ARVCF: variants seen among roughly 807,000 people sequenced by gnomAD.
The protein encoded by ARVCF is ARVCF delta catenin family member, also known as splicing regulator ARVCF.
A neutral mutation model predicts 90.9 loss-of-function variants in ARVCF; 66 were observed. That is an observed-to-expected ratio of 0.73 (90% CI 0.60 to 0.89). ARVCF has a LOEUF of 0.89. ARVCF is among the 40% of genes least tolerant of loss of function. The pLI, the probability that ARVCF is intolerant of heterozygous loss-of-function variation, is 0.00. For synonymous variants in ARVCF, 653 were observed against 603.4 expected, an observed-to-expected ratio of 1.08 and a Z score of -1.21; for missense variants, 1,469 against 1,382.3, an observed-to-expected ratio of 1.06 and a Z score of -1.00.
chr22:19,968,559 G>A (rs781428653), downstream of ARVCF: 8 of 1,613,966 alleles, frequency 5.0e-6, no homozygotes, highest in Admixed American at 1.7e-5. Flanking sequence ...TGCGGAAGGG[G>A]ACAGTGCTAC....
Position 19,992,888 on chromosome 22 carries a change from C to T in ARVCF, c.-18-2076G>A, listed in dbSNP as rs536437555. Among the ~76,000 whole-genome samples, 237 of 152,310 alleles carry T rather than the reference C, an allele frequency of 1.6e-3. 1 individual carries two copies. Among genetic ancestry groups the T allele is most frequent in the African/African-American group, 5.5e-3 (230 of 41,564 alleles). On this transcript the variant is annotated intron_variant, in intron 2 of 19. Transcript: ENST00000263207. ...GGCTCTGGGGACTAAAGATGCCCAC[C>T]CTAAAGGGGGCCCACTGGCTCTGGC...
At chr22:19,990,125 G>A (rs1371631078) in intron 3 of ARVCF, among the ~76,000 whole-genome samples, 1 of 152,154 alleles carries the variant, frequency 6.6e-6, no homozygotes, top group African/African-American at 2.4e-5. Flanking sequence ...AGTAGGGGCC[G>A]GAGCCCAGTC....
Position 20,016,732 on chromosome 22 carries a change from C to CGGACCGGTGCGG in ARVCF, c.-228_-217dup, listed in dbSNP as rs1945206132. On this transcript the variant is annotated 5_prime_UTR_variant, in exon 1 of 20. Transcript: ENST00000263207. ...GGTCGCAGTCCACGCGGCCGCAACT[C>CGGACCGGTGCGG]GGACCGGTGCGGGGGCCGCCCCCTC... 6.6e-6 allele frequency: 1 copy of CGGACCGGTGCGG among 151,218 alleles called. No homozygotes were observed. The highest frequency in any genetic ancestry group is 1.5e-5 in the Non-Finnish European group (1 of 67,764). The allele number at this position is 151,218 out of a possible 1,614,324, so 9.4% of individuals were successfully genotyped here. A position where few individuals can be genotyped will look rare whatever the true frequency, so the allele number is the denominator to read the frequency against.
chr22:19,975,810 G>A (rs1442053974), intron 10 of ARVCF, 53 bp from the exon 11 acceptor site: 3 of 1,584,278 alleles, frequency 1.9e-6, no homozygotes, highest in Admixed American at 1.7e-5. Flanking sequence ...GGGAATGGGT[G>A]TATCAGGAGA....
intron 10 of ARVCF, 119 bp downstream of exon 10, chr22:19,976,587 G>A: frequency 2.2e-6 from 3 of 1,337,594 alleles, no homozygotes; most frequent in East Asian, 5.1e-5. Context: ...TCATAAAGAT[G>A]GCAGCCCGAG....
At chr22:19,979,658 C>T in intron 6 of ARVCF, 85 bp downstream of exon 6, 1 of 1,469,462 alleles carries the variant, frequency 6.8e-7, no homozygotes, top group Non-Finnish European at 9.0e-7. Flanking sequence ...CAGGCGGTCG[C>T]AGGCCGAGTG....
intron 6 of ARVCF, 123 bp from the exon 7 acceptor site, chr22:19,979,203 G>A (rs1943339142): frequency 1.2e-5 from 13 of 1,119,260 alleles, no homozygotes; most frequent in Middle Eastern, 2.4e-4. Context: ...ACAGTAGGAA[G>A]TAACAAAAGC....
chr22:19,991,869 C>A (rs1944040140), intron 2 of ARVCF, among the ~76,000 whole-genome samples: 2 of 152,234 alleles, frequency 1.3e-5, no homozygotes, highest in Non-Finnish European at 1.5e-5. Context: ...TGGCCGGGTG[C>A]CCAGGGCTGC....
Position 19,973,812 on chromosome 22 carries a change from G to A in ARVCF, c.2089-19C>T, listed in dbSNP as rs200701884. 1.8e-4 allele frequency: 286 copies of A among 1,594,942 alleles called. 1 individual carries two copies. In the Middle Eastern group the frequency reaches 3.5e-3, roughly 19 times the overall value. On this transcript the variant is annotated intron_variant, in intron 12 of 19. Transcript: ENST00000263207. ...TGGCCCACTGCGGAGGCGGGGAGAG[G>A]GTTGCTCAGACATACATGCCAGGCA...
At position 19,978,140 on chromosome 22, in the gene ARVCF, C is replaced by T. The variant is rs548445578; in HGVS notation, c.1581-65G>A. 143 of 1,448,454 alleles carry T rather than the reference C, an allele frequency of 9.9e-5. No homozygotes were observed. The South Asian group carries it at 1.7e-3, about 17-fold the overall frequency. 89.7% of individuals were successfully genotyped at this position (1,448,454 alleles called of 1,614,324 possible). On this transcript the variant is annotated intron_variant, in intron 7 of 19. Coordinates refer to ENST00000263207, the MANE Select transcript of ARVCF (RefSeq NM_001670.3). ...AGAAACTCCCTGGCTCCACCCTGGCCTTGTGGGCTTGTCTTCATCTGCAAA... is the reference window on the plus strand; with the variant it reads ...AGAAACTCCCTGGCTCCACCCTGGCTTTGTGGGCTTGTCTTCATCTGCAAA...
intron 2 of ARVCF, among the ~76,000 whole-genome samples, chr22:19,994,021 C>A (rs1395193278): frequency 2.0e-5 from 3 of 152,052 alleles, no homozygotes; most frequent in African/African-American, 7.2e-5. Flanking sequence ...AAGAGGGTGG[C>A]CCCAGGCACA....
chr22:19,987,483 C>T (rs1277246087), intron 3 of ARVCF, among the ~76,000 whole-genome samples: 4 of 151,778 alleles, frequency 2.6e-5, no homozygotes, highest in Non-Finnish European at 1.5e-5. Flanking sequence ...TTGGCCAAGT[C>T]CTTCCCAGGC....
chr22:19,979,898 G>A lies in ARVCF; in HGVS notation c.1241C>T (p.Ala414Val), dbSNP rs1652432671. The A allele has an allele frequency of 1.2e-6, 2 of 1,600,868 alleles. No individual in the cohort carries two copies. The highest frequency in any genetic ancestry group is 1.7e-6 in the Non-Finnish European group (2 of 1,174,716). The change falls in exon 6 of 20, where the codon GCT (alanine) becomes GTT (valine). Residue 414 changes from alanine (A) to valine (V), a missense_variant. Coordinates refer to ENST00000263207, the MANE Select transcript of ARVCF (RefSeq NM_001670.3). ...CCCACAGGCCCGGCGCCGCACCTCAGCCCGCGGGTGGTCCAGCAGTGCCAC... is the reference window on the plus strand; with the variant it reads ...CCCACAGGCCCGGCGCCGCACCTCAACCCGCGGGTGGTCCAGCAGTGCCAC... The part of the protein sequence containing the change: ...LLVALLDHPR[A>V]EVRRRACGAL...
chr22:19,977,310 G>A (rs1246125463), intron 9 of ARVCF, 105 bp downstream of exon 9: 1 of 1,386,152 alleles, frequency 7.2e-7, no homozygotes, highest in Non-Finnish European at 9.5e-7. Flanking sequence ...GGGCTGACCA[G>A]GTGTCCTCTA....
At chr22:19,983,976 C>G (rs1943634152) in intron 3 of ARVCF, among the ~76,000 whole-genome samples, 1 of 152,170 alleles carries the variant, frequency 6.6e-6, no homozygotes, top group African/African-American at 2.4e-5. Context: ...CTGGGCTGCC[C>G]CATCTGTATC....
chr22:19,988,312 C>A (rs1213468007), intron 3 of ARVCF, among the ~76,000 whole-genome samples: 1 of 152,352 alleles, frequency 6.6e-6, no homozygotes, highest in East Asian at 1.9e-4. Context: ...CTAGGGCCAA[C>A]CTGCCTGGAA....
intron 2 of ARVCF, among the ~76,000 whole-genome samples, chr22:20,004,922 C>A (rs1944566783): frequency 6.6e-6 from 1 of 152,144 alleles, no homozygotes; most frequent in Non-Finnish European, 1.5e-5. Context: ...CATAAGACCT[C>A]AAACTATAAA....
rs868720643 is a variant in ARVCF, at chr22:19,976,706, C to G, written c.1888G>C (p.Gly630Arg). The G allele has an allele frequency of 1.3e-6, 2 of 1,560,018 alleles. No homozygotes were observed. The highest frequency in any genetic ancestry group is 2.7e-5 in the African/African-American group (2 of 74,052). Residue 630 changes from glycine (G) to arginine (R), a missense_variant and splice_region_variant, in exon 10 of 20, where the codon GGA (glycine) becomes CGA (arginine). Transcript: ENST00000263207. ...GAGAGCAGGATAAAAAGGGACTCAC[C>G]TTGGTGGAACCACTCCTCTGGGAGG... The part of the protein sequence containing the change: ...KKAKEEWFHQ[G>R]KKDGEMDRNF...
downstream of ARVCF, among the ~76,000 whole-genome samples, chr22:19,968,162 CCT>C (rs1942526737): frequency 6.6e-6 from 1 of 152,216 alleles, no homozygotes; most frequent in Admixed American, 6.5e-5. Flanking sequence ...TCCTTGGGTG[CCT>C]CTCCCTCATA....
Sources: allele counts gnomAD v4.1 joint callset (sites outside exome capture counted in the v4.1 genomes callset), GRCh38; gene constraint gnomAD v4.1.1; transcripts MANE v1.5; gene names NCBI Gene and HGNC (gene_info 2026-07-23, HGNC 2026-07-21).